NEK10: variants seen among roughly 807,000 people sequenced by gnomAD.
NEK10 encodes the protein NIMA related kinase 10.
Under a neutral mutation model 159.8 loss-of-function variants are expected in NEK10, and 122 were observed. The ratio of observed to expected loss-of-function variants is 0.76; its 90% CI spans 0.66 to 0.89. NEK10 has a LOEUF of 0.89. Ranked by LOEUF, NEK10 falls within the 40% of genes least tolerant of loss-of-function variation. The pLI is 0.00. For missense variants in NEK10, 1,342 were observed against 1,323.1 expected (o/e 1.01, Z -0.22); for synonymous variants, 466 against 457.1 (o/e 1.02, Z -0.25).
At chr3:27,277,963 T>C (rs1559413402) in intron 22 of NEK10, among the ~76,000 whole-genome samples, 1 of 152,182 alleles carries the variant, frequency 6.6e-6, no homozygotes, top group Non-Finnish European at 1.5e-5. Flanking sequence ...ATTAGCAGGA[T>C]AGGAGTCTTG....
chr3:27,156,000 C>T (rs1017660950), intron 30 of NEK10, among the ~76,000 whole-genome samples: 1 of 151,954 alleles, frequency 6.6e-6, no homozygotes, highest in Non-Finnish European at 1.5e-5. Context: ...ACTTACCAAC[C>T]AATCTTCAAC....
chr3:27,233,511 C>G (rs1253295196), intron 23 of NEK10, among the ~76,000 whole-genome samples: 1 of 151,808 alleles, frequency 6.6e-6, no homozygotes, highest in Non-Finnish European at 1.5e-5. Context: ...CATAAAGAAC[C>G]AAAAGTAGAA....
Position 27,318,710 on chromosome 3 carries a change from G to A in NEK10, c.447+3467C>T, listed in dbSNP as rs148693550. On this transcript the variant is annotated intron_variant, in intron 6 of 35. Coordinates refer to ENST00000691995, the MANE Select transcript of NEK10 (RefSeq NM_001394966.1). Reference sequence around the variant, plus strand: ...TTGATCTTGTGGAATCCCTGAAAGGGTTTCAGAGACCTGTAAACTGTACAC... The same window carrying A: ...TTGATCTTGTGGAATCCCTGAAAGGATTTCAGAGACCTGTAAACTGTACAC... Among the ~76,000 whole-genome samples the A allele has an allele frequency of 1.6e-4, 25 of 152,252 alleles. No individual in the cohort carries two copies. In the East Asian group the frequency reaches 3.1e-3, roughly 19 times the overall value.
intron 23 of NEK10, among the ~76,000 whole-genome samples, chr3:27,231,534 C>T (rs947874022): frequency 6.6e-6 from 1 of 151,420 alleles, no homozygotes; most frequent in South Asian, 2.1e-4. Context: ...CAAAAAAGTA[C>T]AAAAGATAAA....
At chr3:27,218,073 C>T (rs927309839) in intron 23 of NEK10, among the ~76,000 whole-genome samples, 1 of 152,128 alleles carries the variant, frequency 6.6e-6, no homozygotes, top group Non-Finnish European at 1.5e-5. Flanking sequence ...TGACAGTTGA[C>T]CTGATCACTG....
chr3:27,180,506 G>C (rs1250514308), intron 26 of NEK10, among the ~76,000 whole-genome samples: 3 of 152,040 alleles, frequency 2.0e-5, no homozygotes, highest in Non-Finnish European at 4.4e-5. Flanking sequence ...CAAGTTTTAA[G>C]AAATTTTTTG....
intron 25 of NEK10, among the ~76,000 whole-genome samples, chr3:27,195,846 C>T (rs1357453585): frequency 6.6e-6 from 1 of 152,172 alleles, no homozygotes; most frequent in Admixed American, 6.5e-5. Context: ...TTATAAACTT[C>T]ATTCTGTACA....
chr3:27,331,237 C>CAAAA (rs11351970), intron 5 of NEK10, among the ~76,000 whole-genome samples: 20 of 29,584 alleles, frequency 6.8e-4, no homozygotes, highest in Admixed American at 2.0e-3. Context: ...GACTCTGTCT[C>CAAAA]AAAAAAAAAA....
intron 5 of NEK10, among the ~76,000 whole-genome samples, chr3:27,327,059 A>G (rs2046054624): frequency 6.6e-6 from 1 of 152,158 alleles, no homozygotes; most frequent in Admixed American, 6.5e-5. Flanking sequence ...AGGCACCTTT[A>G]TTTTACTGAC....
At chr3:27,288,071 C>A (rs1010254655) in intron 19 of NEK10, among the ~76,000 whole-genome samples, 1 of 152,104 alleles carries the variant, frequency 6.6e-6, no homozygotes, top group Non-Finnish European at 1.5e-5. Flanking sequence ...CTTGTCACAA[C>A]CCGACACACA....
chr3:27,197,872 G>T (rs1279733694), intron 25 of NEK10, among the ~76,000 whole-genome samples: 1 of 151,144 alleles, frequency 6.6e-6, no homozygotes, highest in Non-Finnish European at 1.5e-5. Context: ...ACGTATACAT[G>T]TGCCATATTG....
chr3:27,288,642 A>C (rs895468555), intron 19 of NEK10, among the ~76,000 whole-genome samples: 4 of 152,252 alleles, frequency 2.6e-5, no homozygotes, highest in African/African-American at 9.6e-5. Flanking sequence ...TTTTTAAAAA[A>C]TGGTGCAATT....
In NEK10 at chr3:27,258,654, T is replaced by C. The variant is rs2040104984; in HGVS notation, c.2015-2283A>G. 2.6e-5 allele frequency among the ~76,000 whole-genome samples: 4 copies of C among 152,322 alleles called. No individual in the cohort carries two copies. In the South Asian group the frequency reaches 8.3e-4, roughly 32 times the overall value. ...TTGGGTTGGTTCCAAGTCTTTGCTATTGTGAATAGTGCCGCAATAAACTTA... is the reference window on the plus strand; with the variant it reads ...TTGGGTTGGTTCCAAGTCTTTGCTACTGTGAATAGTGCCGCAATAAACTTA... On this transcript the variant is annotated intron_variant, in intron 22 of 35. Coordinates refer to ENST00000691995, the MANE Select transcript of NEK10 (RefSeq NM_001394966.1).
intron 32 of NEK10, among the ~76,000 whole-genome samples, chr3:27,128,756 A>G (rs373292443): frequency 2.4e-4 from 36 of 152,112 alleles, no homozygotes; most frequent in African/African-American, 7.7e-4. Flanking sequence ...AGCCTCTTCA[A>G]TTTGGCTCTT....
chr3:27,235,431 A>G (rs908256382), intron 23 of NEK10, among the ~76,000 whole-genome samples: 7 of 152,198 alleles, frequency 4.6e-5, no homozygotes, highest in African/African-American at 1.7e-4. Context: ...CAAACAAACA[A>G]CGCCATTAAA....
intron 25 of NEK10, among the ~76,000 whole-genome samples, chr3:27,193,477 T>A (rs62255253): frequency 0.23 from 34,557 of 151,808 alleles, 4,264 homozygotes; most frequent in Middle Eastern, 0.38. Context: ...GAACTGGCCC[T>A]TAACTTCCTC....
intron 5 of NEK10, among the ~76,000 whole-genome samples, chr3:27,331,262 A>AAAAAAAAAAAAAAAAACAAAAAAAC: frequency 9.1e-6 from 1 of 110,082 alleles, no homozygotes; most frequent in Non-Finnish European, 2.0e-5. Flanking sequence ...AAAAAAAAAA[A>AAAAAAAAAAAAAAAAACAAAAAAAC]ACACACAAAC....
chr3:27,292,364 A>G (rs2043057164), intron 16 of NEK10, among the ~76,000 whole-genome samples: 2 of 152,210 alleles, frequency 1.3e-5, no homozygotes, highest in African/African-American at 4.8e-5. Flanking sequence ...TTTAGTAAGA[A>G]GTAAATACTA....
At position 27,192,299 on chromosome 3, in the gene NEK10, A is replaced by C. The variant is rs1219982082; in HGVS notation, c.2292-57T>G. The C allele has an allele frequency of 3.8e-6, 5 of 1,318,942 alleles. No individual in the cohort carries two copies. In the Admixed American group the frequency reaches 6.8e-5, roughly 18 times the overall value. The allele number at this position is 1,318,942 out of a possible 1,614,324, so 81.7% of individuals were successfully genotyped here. On this transcript the variant is annotated intron_variant, in intron 25 of 35. Transcript: ENST00000691995. The stretch of plus-strand genomic sequence containing the variant: ...GGTCAATGTTGGGAGCAGGCCACAG[A>C]GTGTAAAGGGTCAAGGTTAAACTCC...
Sources: allele counts gnomAD v4.1 joint callset (sites outside exome capture counted in the v4.1 genomes callset), GRCh38; gene constraint gnomAD v4.1.1; transcripts MANE v1.5; gene names NCBI Gene and HGNC (gene_info 2026-07-23, HGNC 2026-07-21).